The following ALMS1 variants were observed in gnomAD, a reference collection of about 807,000 sequenced individuals.
The protein encoded by ALMS1 is ALMS1 centrosome and basal body associated protein.
In ALMS1, 271 loss-of-function variants were observed where a neutral mutation model predicts 352.2. That is an observed-to-expected ratio of 0.77 (90% CI 0.70 to 0.85). ALMS1 has a LOEUF of 0.85. Among genes scored for constraint, ALMS1 ranks in the 40% least tolerant of loss-of-function variants. The pLI is 0.00. For missense variants in ALMS1, 5,445 were observed against 4,870.7 expected (o/e 1.12, Z -3.51); for synonymous variants, 1,865 against 1,761.2 (o/e 1.06, Z -1.48).
intron 1 of ALMS1, among the ~76,000 whole-genome samples, chr2:73,400,227 G>A (rs1048126399): frequency 4.6e-5 from 7 of 152,086 alleles, no homozygotes; most frequent in Non-Finnish European, 8.8e-5. Context: ...ATTACAGGTG[G>A]GAGCCACTGT....
At chr2:73,466,818 T>A (rs1672358516) in intron 9 of ALMS1, among the ~76,000 whole-genome samples, 1 of 152,092 alleles carries the variant, frequency 6.6e-6, no homozygotes. Context: ...ATGACTGAGA[T>A]GAAATGTTAT....
chr2:73,388,695 A>G (rs1670586857), intron 1 of ALMS1, among the ~76,000 whole-genome samples: 1 of 152,260 alleles, frequency 6.6e-6, no homozygotes, highest in South Asian at 2.1e-4. Context: ...ATATTAATAC[A>G]TACTACATTT....
Position 73,447,968 on chromosome 2 carries a change from T to C in ALMS1, c.1441T>C (p.Ser481Pro). ...APKHLKAGDT[S>P]KGGIAKVTQS... Reference sequence around the variant, plus strand: ...AATCTCTTTTTCTTTAGGAGACACTTCTAAAGGAGGCATAGCTAAAGTTAC... The same window carrying C: ...AATCTCTTTTTCTTTAGGAGACACTCCTAAAGGAGGCATAGCTAAAGTTAC... The change falls in exon 8 of 23, where the codon TCT becomes CCT. Residue 481 changes from serine (S) to proline (P), a missense_variant. Coordinates refer to ENST00000613296, the MANE Select transcript of ALMS1 (RefSeq NM_001378454.1). 6.2e-7 allele frequency: 1 copy of C among 1,610,326 alleles called. No homozygotes were observed. The highest frequency in any genetic ancestry group is 8.5e-7 in the Non-Finnish European group (1 of 1,177,538).
chr2:73,551,345 C>T (rs1256848352), intron 13 of ALMS1, among the ~76,000 whole-genome samples: 4 of 151,494 alleles, frequency 2.6e-5, no homozygotes, highest in Admixed American at 6.6e-5. Context: ...TTGCTTCCAT[C>T]TCCACAGCTC....
chr2:73,594,503 G>A (rs1337379229), intron 16 of ALMS1, among the ~76,000 whole-genome samples: 1 of 152,166 alleles, frequency 6.6e-6, no homozygotes, highest in African/African-American at 2.4e-5. Flanking sequence ...CAGAACCTCA[G>A]ACTTGGAAGG....
chr2:73,387,552 T>C (rs1558625629), intron 1 of ALMS1, among the ~76,000 whole-genome samples: 6 of 151,464 alleles, frequency 4.0e-5, no homozygotes, highest in African/African-American at 1.5e-4. Flanking sequence ...GTACTGTTGA[T>C]GAGAGAGAGC....
chr2:73,537,989 G>C (rs1033506761), intron 12 of ALMS1, among the ~76,000 whole-genome samples: 1 of 152,172 alleles, frequency 6.6e-6, no homozygotes, highest in African/African-American at 2.4e-5. Flanking sequence ...CTGGGCAACA[G>C]AGTGAGACCA....
At position 73,450,566 on chromosome 2, in the gene ALMS1, G is replaced by A. The variant is rs897762479; in HGVS notation, c.4039G>A (p.Val1347Ile). The change falls in exon 8 of 23, where the codon GTC becomes ATC. Residue 1347 changes from valine (V) to isoleucine (I), a missense_variant. Val to Ile is a conservative substitution (Grantham distance 29). Transcript: ENST00000613296. ...GAAGCCTGGTGTTTTCTACCAACAG[G>A]TCTTGCCACATAGTCATCCAACTGA... is the stretch of plus-strand genomic sequence containing the variant. ...TEKPGVFYQQVLPHSHPTEEA... is the reference protein window; with the variant it reads ...TEKPGVFYQQILPHSHPTEEA... The A allele has an allele frequency of 3.1e-6, 5 of 1,610,170 alleles. No individual in the cohort carries two copies. Among genetic ancestry groups the A allele is most frequent in the South Asian group, 1.1e-5 (1 of 90,936 alleles).
Position 73,452,183 on chromosome 2 carries a change from A to T in ALMS1, c.5656A>T (p.Thr1886Ser), listed in dbSNP as rs886043799. ...IGVPGPADQKTGIQIASSSSY... is the reference protein window; with the variant it reads ...IGVPGPADQKSGIQIASSSSY... Reference sequence around the variant, plus strand: ...GGTTCCTGGGCCTGCTGACCAGAAGACTGGGATACAAATAGCATCCTCTAG... The same window carrying T: ...GGTTCCTGGGCCTGCTGACCAGAAGTCTGGGATACAAATAGCATCCTCTAG... Residue 1886 changes from threonine to serine, a missense_variant, in exon 8 of 23, where the codon ACT becomes TCT. Thr to Ser is a moderately conservative substitution (Grantham distance 58). Transcript: ENST00000613296. 10 of 1,613,044 alleles carry T rather than the reference A, an allele frequency of 6.2e-6. No homozygotes were observed. Among genetic ancestry groups the T allele is most frequent in the Non-Finnish European group, 8.5e-6 (10 of 1,179,486 alleles).
intron 6 of ALMS1, among the ~76,000 whole-genome samples, chr2:73,427,235 G>A (rs6707722): frequency 0.38 from 58,075 of 152,074 alleles, 15,424 homozygotes; most frequent in African/African-American, 0.75. Flanking sequence ...AAGTATTTCT[G>A]TTTAGAAGCT....
intron 1 of ALMS1, among the ~76,000 whole-genome samples, chr2:73,402,316 C>T (rs1305581270): frequency 7.3e-6 from 1 of 137,882 alleles, no homozygotes; most frequent in Admixed American, 7.9e-5. Flanking sequence ...CTCTGTTGCT[C>T]AGGCTGGAGT....
chr2:73,390,733 A>G (rs1323658135), intron 1 of ALMS1, among the ~76,000 whole-genome samples: 1 of 151,000 alleles, frequency 6.6e-6, no homozygotes. Flanking sequence ...TTGGTCTCCA[A>G]CTTTTAATTG....
chr2:73,543,432 A>G (rs1259981881), intron 12 of ALMS1, among the ~76,000 whole-genome samples: 1 of 152,196 alleles, frequency 6.6e-6, no homozygotes, highest in Non-Finnish European at 1.5e-5. Flanking sequence ...AACCTAGGCA[A>G]TACCATTCAG....
intron 10 of ALMS1, among the ~76,000 whole-genome samples, chr2:73,500,766 G>A (rs1457915727): frequency 6.6e-6 from 1 of 152,042 alleles, no homozygotes; most frequent in Admixed American, 6.6e-5. Flanking sequence ...AAAAATGATG[G>A]CAAACTCATT....
chr2:73,555,948 T>C (rs1674532752), intron 13 of ALMS1, among the ~76,000 whole-genome samples: 1 of 152,146 alleles, frequency 6.6e-6, no homozygotes, highest in Admixed American at 6.5e-5. Flanking sequence ...TGCAAAACAA[T>C]GCTGTACACT....
At chr2:73,542,983 A>G (rs1029391291) in intron 12 of ALMS1, among the ~76,000 whole-genome samples, 2 of 152,180 alleles carry the variant, frequency 1.3e-5, no homozygotes, top group African/African-American at 4.8e-5. Context: ...CAAGCTACCA[A>G]TGACTTTCTT....
intron 1 of ALMS1, among the ~76,000 whole-genome samples, chr2:73,406,668 CAT>C (rs1670979486): frequency 6.6e-6 from 1 of 152,196 alleles, no homozygotes; most frequent in Non-Finnish European, 1.5e-5. Flanking sequence ...ACTTCAATCA[CAT>C]ATAAAAACTC....
chr2:73,557,647 G>A (rs1174638331), intron 14 of ALMS1, among the ~76,000 whole-genome samples: 2 of 151,978 alleles, frequency 1.3e-5, no homozygotes, highest in African/African-American at 4.8e-5. Context: ...TTTTACCTCC[G>A]CTGATAAAAT....
intron 12 of ALMS1, among the ~76,000 whole-genome samples, chr2:73,535,881 A>G (rs1674016570): frequency 6.6e-6 from 1 of 152,170 alleles, no homozygotes; most frequent in Admixed American, 6.5e-5. Context: ...TATATATAGA[A>G]ATTACAAAGA....
Sources: gnomAD v4.1 joint callset for allele counts (sites outside exome capture counted in the v4.1 genomes callset) on GRCh38, gnomAD v4.1.1 for gene constraint, MANE v1.5 for transcripts, NCBI Gene and HGNC (gene_info 2026-07-23, HGNC 2026-07-21) for gene names.